The following WASHC4 variants were observed in gnomAD, a reference collection of about 807,000 sequenced individuals.
The protein encoded by WASHC4 is WASH complex subunit 4.
Under a neutral mutation model 166.6 loss-of-function variants are expected in WASHC4, and 86 were observed. The ratio of observed to expected loss-of-function variants is 0.52; its 90% CI spans 0.43 to 0.62. The LOEUF is 0.62. WASHC4 is among the 20% of genes least tolerant of loss of function. WASHC4 has a pLI of 0.00. For missense variants in WASHC4, 1,262 were observed against 1,382.4 expected (o/e 0.91, Z 1.38); for synonymous variants, 446 against 451.6 (o/e 0.99, Z 0.16).
intron 32 of WASHC4, among the ~76,000 whole-genome samples, chr12:105,165,642 T>G (rs1480964072): frequency 6.6e-6 from 1 of 152,202 alleles, no homozygotes; most frequent in African/African-American, 2.4e-5. Flanking sequence ...TTTATGTTAA[T>G]TTTTAAAATA....
intron 10 of WASHC4, among the ~76,000 whole-genome samples, chr12:105,123,966 G>T (rs1881030235): frequency 6.6e-6 from 1 of 152,138 alleles, no homozygotes; most frequent in Non-Finnish European, 1.5e-5. Context: ...TATCAACATT[G>T]AGGCAAGACC....
At chr12:105,118,667 G>A in intron 7 of WASHC4, 139 bp downstream of exon 7, 4 of 693,138 alleles carry the variant, frequency 5.8e-6, no homozygotes, top group South Asian at 3.2e-5. Flanking sequence ...TACTTGATGT[G>A]TATCATACGT....
At chr12:105,112,677 G>T (rs1269843734) in intron 2 of WASHC4, among the ~76,000 whole-genome samples, 1 of 152,066 alleles carries the variant, frequency 6.6e-6, no homozygotes, top group Admixed American at 6.5e-5. Context: ...ATCTTTTCAT[G>T]TGCTTATGGC....
At chr12:105,142,846 GAA>G (rs1336978980) in intron 19 of WASHC4, among the ~76,000 whole-genome samples, 1 of 151,810 alleles carries the variant, frequency 6.6e-6, no homozygotes, top group East Asian at 1.9e-4. Context: ...CAATGCAAAA[GAA>G]AAAATATTTT....
chr12:105,132,140 A>T (rs2135768023), intron 13 of WASHC4, among the ~76,000 whole-genome samples: 1 of 152,312 alleles, frequency 6.6e-6, no homozygotes, highest in South Asian at 2.1e-4. Flanking sequence ...CATAAAGGAG[A>T]ATTGCCCATT....
chr12:105,135,205 T>C (rs1311858505), intron 14 of WASHC4, among the ~76,000 whole-genome samples: 1 of 152,044 alleles, frequency 6.6e-6, no homozygotes, highest in Non-Finnish European at 1.5e-5. Flanking sequence ...TCAGCGTTTA[T>C]TTAGATTTAC....
At chr12:105,122,927 A>G (rs1044563012) in intron 10 of WASHC4, among the ~76,000 whole-genome samples, 2 of 152,180 alleles carry the variant, frequency 1.3e-5, no homozygotes, top group African/African-American at 2.4e-5. Flanking sequence ...TAATAGCCCT[A>G]CAGTGGCCTC....
chr12:105,156,647 A>T, intron 26 of WASHC4, 79 bp from the exon 27 acceptor site: 1 of 1,185,564 alleles, frequency 8.4e-7, no homozygotes, highest in Non-Finnish European at 1.2e-6. Context: ...CTTGTAATTT[A>T]CTACTGTATG....
intron 6 of WASHC4, 82 bp downstream of exon 6, chr12:105,115,810 T>C: frequency 1.2e-6 from 1 of 853,760 alleles, no homozygotes; most frequent in South Asian, 1.3e-5. Flanking sequence ...TTCTGAAACC[T>C]TCAAATACTA....
chr12:105,130,901 T>C (rs1442372393), intron 13 of WASHC4, among the ~76,000 whole-genome samples: 2 of 152,222 alleles, frequency 1.3e-5, no homozygotes. Context: ...GCGTTGACAC[T>C]GTTTAGTGCT....
At chr12:105,156,283 T>TA (rs1197148927) in intron 26 of WASHC4, among the ~76,000 whole-genome samples, 1 of 152,050 alleles carries the variant, frequency 6.6e-6, no homozygotes, top group Non-Finnish European at 1.5e-5. Context: ...AGGCATCGGA[T>TA]AAAAAAACCT....
rs960317679 is a variant in WASHC4, at chr12:105,168,094, A to T, written c.*1163A>T. 6.6e-6 allele frequency: 1 copy of T among 152,046 alleles called. No homozygotes were observed. Among genetic ancestry groups the T allele is most frequent in the East Asian group, 1.9e-4 (1 of 5,198 alleles). 9.4% of individuals were successfully genotyped at this position (152,046 alleles called of 1,614,324 possible). ...CAAACACCATTTTGGGAAATGCTTG[A>T]TTTTTTTCTATTGCATTTGTCTGCT... On this transcript the variant is annotated 3_prime_UTR_variant, in exon 33 of 33. Coordinates refer to ENST00000332180, the MANE Select transcript of WASHC4 (RefSeq NM_015275.3).
chr12:105,156,591 C>G, intron 26 of WASHC4, 135 bp from the exon 27 acceptor site: 1 of 623,078 alleles, frequency 1.6e-6, no homozygotes, highest in South Asian at 2.0e-5. Flanking sequence ...ATGATAAGAA[C>G]TGAAGTAAAA....
In WASHC4 at chr12:105,137,925, A is replaced by C. The variant is rs1293115207; in HGVS notation, c.1366A>C (p.Thr456Pro). 1.2e-6 allele frequency: 2 copies of C among 1,611,236 alleles called. No homozygotes were observed. The highest frequency in any genetic ancestry group is 1.7e-6 in the Non-Finnish European group (2 of 1,177,720). ...YAYSISTIIK[T>P]TMNLYMSMQK... Reference sequence around the variant, plus strand: ...ATATAGTATTAGTACCATTATTAAAACCACAATGAATCTCTACATGTCCAT... The same window carrying C: ...ATATAGTATTAGTACCATTATTAAACCCACAATGAATCTCTACATGTCCAT... Residue 456 changes from threonine (T) to proline (P), a missense_variant, in exon 15 of 33, where the codon ACC becomes CCC. By Grantham distance (38) the Thr-to-Pro change is conservative. Coordinates refer to ENST00000332180, the MANE Select transcript of WASHC4 (RefSeq NM_015275.3).
At chr12:105,147,939 A>T (rs1332297813) in intron 24 of WASHC4, 6 of 984,800 alleles carry the variant, frequency 6.1e-6, no homozygotes, top group Non-Finnish European at 7.2e-6. Context: ...CGAAATGGGC[A>T]TTCACTTGAA....
chr12:105,151,167 AAAAG>A (rs1174747946), intron 25 of WASHC4, among the ~76,000 whole-genome samples: 2 of 151,306 alleles, frequency 1.3e-5, no homozygotes, highest in African/African-American at 4.9e-5. Context: ...AAAAAAAAAA[AAAAG>A]AACGCCGTTT....
chr12:105,142,990 A>T (rs2135797240), intron 19 of WASHC4, 137 bp from the exon 20 acceptor site: 3 of 652,324 alleles, frequency 4.6e-6, no homozygotes, highest in Non-Finnish European at 8.1e-6. Flanking sequence ...TTTCTTTAGG[A>T]AAGTTAAGAC....
rs778816906 is a variant in WASHC4, at chr12:105,140,391, C to T, written c.1550C>T (p.Ser517Phe). ...HLQHQALHSI[S>F]VAKKRVISDK... ...CAACATCAGGCTCTTCATTCTATTTCTGTGGCCAAGGTATGCAGCTTATTA... is the reference window on the plus strand; with the variant it reads ...CAACATCAGGCTCTTCATTCTATTTTTGTGGCCAAGGTATGCAGCTTATTA... The change falls in exon 16 of 33, where the codon TCT (serine) becomes TTT (phenylalanine). Residue 517 changes from serine (S) to phenylalanine (F), a missense_variant. Coordinates refer to ENST00000332180, the MANE Select transcript of WASHC4 (RefSeq NM_015275.3). The T allele has an allele frequency of 5.6e-6, 9 of 1,608,866 alleles. No homozygotes were observed. The highest frequency in any genetic ancestry group is 7.7e-6 in the Non-Finnish European group (9 of 1,175,236).
chr12:105,147,315 T>C, intron 24 of WASHC4, 169 bp downstream of exon 24: 1 of 618,114 alleles, frequency 1.6e-6, no homozygotes, highest in Non-Finnish European at 2.9e-6. Context: ...AAAATTGTGT[T>C]GGATGTGATG....
Sources: gnomAD v4.1 joint callset for allele counts (sites outside exome capture counted in the v4.1 genomes callset) on GRCh38, gnomAD v4.1.1 for gene constraint, MANE v1.5 for transcripts, NCBI Gene and HGNC (gene_info 2026-07-23, HGNC 2026-07-21) for gene names.